The following TRIM55 variants were observed in gnomAD, a reference collection of about 807,000 sequenced individuals.
TRIM55 encodes the protein tripartite motif-containing protein 55.
TRIM55 carries 50 observed loss-of-function variants against 60.9 expected under a neutral mutation model. The ratio of observed to expected loss-of-function variants is 0.82; its 90% CI spans 0.65 to 1.04. The LOEUF (loss-of-function observed/expected upper bound fraction) is 1.04, where lower values mean the gene tolerates loss of function less well. TRIM55 is among the 50% of genes least tolerant of loss of function. TRIM55 has a pLI of 0.00. For synonymous variants in TRIM55, 237 were observed against 238.1 expected, an observed-to-expected ratio of 1.00 and a Z score of 0.04; for missense variants, 681 against 666.9, an observed-to-expected ratio of 1.02 and a Z score of -0.23.
At chr8:66,113,363 C>G in the TRIM55 span, 1 of 378,352 alleles carries the variant, frequency 2.6e-6, no homozygotes, top group South Asian at 1.9e-5. Context: ...CACACGTACA[C>G]GTCCCTTCGA....
chr8:66,166,045 TCTC>T (rs138353231), intron 9 of TRIM55, among the ~76,000 whole-genome samples: 4,111 of 151,974 alleles, frequency 0.027, 168 homozygotes, highest in African/African-American at 0.093. Context: ...ATCTCCTCAA[TCTC>T]CTCAAGGCCC....
chr8:66,157,445 C>T (rs1023878961), intron 9 of TRIM55, among the ~76,000 whole-genome samples: 2 of 152,214 alleles, frequency 1.3e-5, no homozygotes, highest in Non-Finnish European at 2.9e-5. Flanking sequence ...GATTCACCTT[C>T]ACCACTTCAG....
At chr8:66,161,494 T>C (rs1051401502) in intron 9 of TRIM55, among the ~76,000 whole-genome samples, 2 of 152,018 alleles carry the variant, frequency 1.3e-5, no homozygotes, top group Admixed American at 6.6e-5. Flanking sequence ...GCTTAGTCTT[T>C]CTTTGGCTTA....
chr8:66,114,082 A>AACCCCC, the TRIM55 span, among the ~76,000 whole-genome samples: 2 of 75,300 alleles, frequency 2.7e-5, no homozygotes, highest in Non-Finnish European at 2.4e-5. Context: ...AAGGAGAGAC[A>AACCCCC]CCCCCCCCCC....
At chr8:66,149,086 A>C (rs778828750) in intron 4 of TRIM55, among the ~76,000 whole-genome samples, 12 of 152,164 alleles carry the variant, frequency 7.9e-5, no homozygotes, top group Non-Finnish European at 1.2e-4. Context: ...AAACATGATT[A>C]GAACTGTACT....
At chr8:66,128,600 T>C in intron 2 of TRIM55, 124 bp downstream of exon 2, 2 of 1,097,518 alleles carry the variant, frequency 1.8e-6, no homozygotes, top group Non-Finnish European at 1.3e-6. Context: ...GGAAAAATGG[T>C]TTTCCAAGTC....
the TRIM55 span, among the ~76,000 whole-genome samples, chr8:66,114,083 C>CT: frequency 2.7e-4 from 5 of 18,640 alleles, 1 homozygote; most frequent in Non-Finnish European, 1.1e-3. Context: ...AGGAGAGACA[C>CT]CCCCCCCCCC....
At chr8:66,165,305 T>G (rs1811267741) in intron 9 of TRIM55, among the ~76,000 whole-genome samples, 1 of 152,114 alleles carries the variant, frequency 6.6e-6, no homozygotes, top group African/African-American at 2.4e-5. Context: ...CATTCTTATT[T>G]CAAGTGCAAA....
chr8:66,144,613 A>G (rs979866505), intron 4 of TRIM55, among the ~76,000 whole-genome samples: 1 of 152,232 alleles, frequency 6.6e-6, no homozygotes, highest in East Asian at 1.9e-4. Flanking sequence ...AAGGAAGAAA[A>G]TGGAGACTAT....
the TRIM55 span, among the ~76,000 whole-genome samples, chr8:66,116,659 T>C: frequency 1.4e-5 from 1 of 69,638 alleles, no homozygotes; most frequent in Non-Finnish European, 2.3e-5. Flanking sequence ...CATTAAAATG[T>C]TAACAACAGT....
chr8:66,132,620 C>A (rs376645726), intron 2 of TRIM55, among the ~76,000 whole-genome samples: 19 of 152,282 alleles, frequency 1.2e-4, no homozygotes, highest in South Asian at 8.3e-4. Flanking sequence ...GGGCCACAGC[C>A]AACATTTAGC....
chr8:66,166,989 G>A (rs530986508), intron 9 of TRIM55, among the ~76,000 whole-genome samples: 1 of 152,288 alleles, frequency 6.6e-6, no homozygotes, highest in African/African-American at 2.4e-5. Context: ...CTCCTGGCAG[G>A]GATGTAGCTG....
intron 9 of TRIM55, among the ~76,000 whole-genome samples, chr8:66,169,633 A>G (rs943732216): frequency 5.9e-5 from 9 of 151,950 alleles, no homozygotes; most frequent in African/African-American, 4.8e-5. Context: ...AATACAAGAC[A>G]TTGCTTGCTT....
At position 66,159,685 on chromosome 8, in the gene TRIM55, G is replaced by A. The variant is rs1012129747; in HGVS notation, c.1524+5351G>A. ...GGTAAGAGAGCTCTACCTACTCTAC[G>A]TTCTACCAGCTCATGGTATTGTGTC... On this transcript the variant is annotated intron_variant, in intron 9 of 9. Coordinates refer to ENST00000315962, the MANE Select transcript of TRIM55 (RefSeq NM_184085.2). Among the ~76,000 whole-genome samples, 5 of 152,144 alleles carry A rather than the reference G, an allele frequency of 3.3e-5. No homozygotes were observed. In the East Asian group the frequency reaches 5.8e-4, roughly 18 times the overall value.
the TRIM55 span, chr8:66,114,713 G>T: frequency 6.7e-6 from 3 of 448,508 alleles, no homozygotes; most frequent in Admixed American, 7.2e-5. Flanking sequence ...CAAGTCCGCA[G>T]GGCGGACTGC....
chr8:66,119,891 A>G, the TRIM55 span, among the ~76,000 whole-genome samples: 1 of 152,250 alleles, frequency 6.6e-6, no homozygotes, highest in Non-Finnish European at 1.5e-5. Context: ...CAAGTACTCA[A>G]GAACCACAAG....
chr8:66,170,845 C>T (rs1252843734), intron 9 of TRIM55, among the ~76,000 whole-genome samples: 1 of 152,190 alleles, frequency 6.6e-6, no homozygotes, highest in Non-Finnish European at 1.5e-5. Flanking sequence ...GATATTTGCA[C>T]ACTCCTGTTC....
chr8:66,157,283 C>T (rs1810797583), intron 9 of TRIM55, among the ~76,000 whole-genome samples: 1 of 152,036 alleles, frequency 6.6e-6, no homozygotes, highest in African/African-American at 2.4e-5. Context: ...CTGTATAGTT[C>T]TTGGTGTTTG....
intron 2 of TRIM55, among the ~76,000 whole-genome samples, chr8:66,133,761 T>G (rs561713317): frequency 6.6e-6 from 1 of 152,368 alleles, no homozygotes; most frequent in Non-Finnish European, 1.5e-5. Context: ...CAGCACGTTC[T>G]CTGCCTTTCT....
Sources: allele counts gnomAD v4.1 joint callset (sites outside exome capture counted in the v4.1 genomes callset), GRCh38; gene constraint gnomAD v4.1.1; transcripts MANE v1.5; gene names NCBI Gene and HGNC (gene_info 2026-07-23, HGNC 2026-07-21).